Variants in FOXP1 observed in about 807,000 individuals in gnomAD.
The protein encoded by FOXP1 is forkhead box P1.
A neutral mutation model predicts 98.2 loss-of-function variants in FOXP1; 15 were observed. The observed-to-expected ratio is 0.15, with a 90% CI of 0.10 to 0.24. The LOEUF (loss-of-function observed/expected upper bound fraction) is 0.24, where lower values mean the gene tolerates loss of function less well. Ranked by LOEUF, FOXP1 falls within the 10% of genes least tolerant of loss-of-function variation. The pLI is 1.00. For synonymous variants in FOXP1, 371 were observed against 314.5 expected, an observed-to-expected ratio of 1.18 and a Z score of -1.90; for missense variants, 633 against 848.5, an observed-to-expected ratio of 0.75 and a Z score of 3.15.
chr3:71,221,761 G>T (rs1178217800), intron 5 of FOXP1, among the ~76,000 whole-genome samples: 1 of 152,124 alleles, frequency 6.6e-6, no homozygotes. Context: ...TTTTTGGAAG[G>T]GTCCTGTCTC....
At chr3:71,033,804 C>T (rs1319681266) in intron 11 of FOXP1, among the ~76,000 whole-genome samples, 2 of 152,110 alleles carry the variant, frequency 1.3e-5, no homozygotes, top group Admixed American at 1.3e-4. Context: ...TCAGACACAT[C>T]ACAGTTCTTC....
At chr3:71,121,315 C>G (rs192697722) in intron 6 of FOXP1, among the ~76,000 whole-genome samples, 2 of 148,890 alleles carry the variant, frequency 1.3e-5, no homozygotes, top group Admixed American at 1.4e-4. Context: ...TTGAAAGGCA[C>G]GTACAGGATA....
chr3:71,543,665 G>A (rs1368963000), intron 2 of FOXP1: 1 of 152,274 alleles, frequency 6.6e-6, no homozygotes, highest in East Asian at 1.9e-4. Flanking sequence ...CAAAGCTTGA[G>A]CTGACATCCC....
intron 2 of FOXP1, among the ~76,000 whole-genome samples, chr3:71,577,909 G>C (rs2047854201): frequency 6.6e-6 from 1 of 151,944 alleles, no homozygotes; most frequent in African/African-American, 2.4e-5. Flanking sequence ...ACCCCTACCT[G>C]CTTGAGAGGT....
intron 6 of FOXP1, among the ~76,000 whole-genome samples, chr3:71,180,088 T>C (rs551337905): frequency 1.3e-5 from 2 of 152,230 alleles, no homozygotes; most frequent in South Asian, 4.1e-4. Context: ...TCTGCCAATA[T>C]TTTATGGGAG....
chr3:71,579,272 A>T (rs189977021), intron 2 of FOXP1, among the ~76,000 whole-genome samples: 6 of 152,334 alleles, frequency 3.9e-5, no homozygotes, highest in Admixed American at 3.9e-4. Flanking sequence ...CCACGATTTA[A>T]ATATAAACAC....
intron 3 of FOXP1, among the ~76,000 whole-genome samples, chr3:71,470,340 T>C (rs1369802299): frequency 6.6e-6 from 1 of 152,248 alleles, no homozygotes; most frequent in African/African-American, 2.4e-5. Context: ...CTTAGTGGAA[T>C]ACCTAATACA....
rs1041664107 is a variant in FOXP1 at position 70,955,320 on chromosome 3, T to C, written c.*3927A>G. The C allele has an allele frequency of 8.6e-6, 2 of 232,898 alleles. No homozygotes were observed. Among genetic ancestry groups the C allele is most frequent in the African/African-American group, 4.4e-5 (2 of 45,298 alleles). 14.4% of individuals were successfully genotyped at this position (232,898 alleles called of 1,614,324 possible). A position where few individuals can be genotyped will look rare whatever the true frequency, so the allele number is the denominator to read the frequency against. ...TCTGACTGGATGCTGGGGATGGTGT[T>C]AGAGCTGTCCAAAGGTGGCAGGACT... On this transcript the variant is annotated 3_prime_UTR_variant, in exon 21 of 21. Transcript: ENST00000649528.
At chr3:71,010,239 C>T (rs1396963225) in intron 12 of FOXP1, among the ~76,000 whole-genome samples, 1 of 152,034 alleles carries the variant, frequency 6.6e-6, no homozygotes, top group Non-Finnish European at 1.5e-5. Flanking sequence ...AGCAAACTGT[C>T]AATAAGAAGT....
chr3:71,049,203 C>T (rs187486426), intron 9 of FOXP1, among the ~76,000 whole-genome samples: 1 of 152,160 alleles, frequency 6.6e-6, no homozygotes. Context: ...CTCCCTAGAG[C>T]TGCAGTCAAA....
chr3:71,321,264 T>G (rs2075377187), intron 4 of FOXP1, among the ~76,000 whole-genome samples: 1 of 152,220 alleles, frequency 6.6e-6, no homozygotes, highest in African/African-American at 2.4e-5. Context: ...CGCTTCCCAC[T>G]TTGACAAAAT....
At chr3:71,408,492 G>A (rs2082504867) in intron 3 of FOXP1, among the ~76,000 whole-genome samples, 1 of 152,114 alleles carries the variant, frequency 6.6e-6, no homozygotes, top group South Asian at 2.1e-4. Flanking sequence ...AGGAATTTGT[G>A]GATTTCAGAA....
At chr3:71,302,092 C>T (rs904090074) in intron 4 of FOXP1, among the ~76,000 whole-genome samples, 1 of 152,190 alleles carries the variant, frequency 6.6e-6, no homozygotes, top group African/African-American at 2.4e-5. Flanking sequence ...GGTGCACATG[C>T]ACGATTGGCC....
intron 5 of FOXP1, among the ~76,000 whole-genome samples, chr3:71,271,603 T>C (rs544253631): frequency 6.6e-6 from 1 of 152,182 alleles, no homozygotes; most frequent in Non-Finnish European, 1.5e-5. Context: ...ATTCCTTTGA[T>C]AAAAGAACCA....
intron 7 of FOXP1, among the ~76,000 whole-genome samples, chr3:71,096,770 TAA>T (rs1308568110): frequency 6.6e-6 from 1 of 152,002 alleles, no homozygotes; most frequent in African/African-American, 2.4e-5. Context: ...AGGACGAGAG[TAA>T]AGTGTCTTGA....
intron 5 of FOXP1, among the ~76,000 whole-genome samples, chr3:71,228,006 C>A (rs1384056513): frequency 2.6e-5 from 3 of 113,926 alleles, no homozygotes; most frequent in African/African-American, 3.6e-5. Context: ...AAATCAATAT[C>A]ATGGTGGGGC....
intron 6 of FOXP1, among the ~76,000 whole-genome samples, chr3:71,118,814 CAATA>C (rs1350394208): frequency 1.3e-5 from 2 of 152,054 alleles, no homozygotes; most frequent in East Asian, 3.9e-4. Flanking sequence ...TGGTATTTAC[CAATA>C]AAATTTTATT....
chr3:71,047,854 A>G (rs990292706), intron 9 of FOXP1, among the ~76,000 whole-genome samples: 1 of 152,192 alleles, frequency 6.6e-6, no homozygotes, highest in Non-Finnish European at 1.5e-5. Context: ...GATATGATAA[A>G]TATCTTTTTG....
At chr3:71,181,754 C>T (rs559426585) in intron 6 of FOXP1, among the ~76,000 whole-genome samples, 4 of 152,134 alleles carry the variant, frequency 2.6e-5, no homozygotes, top group Admixed American at 6.5e-5. Context: ...CAAATGTGGC[C>T]GGGCGCGGTG....
Sources: gnomAD v4.1 joint callset for allele counts (sites outside exome capture counted in the v4.1 genomes callset) on GRCh38, gnomAD v4.1.1 for gene constraint, MANE v1.5 for transcripts, NCBI Gene and HGNC (gene_info 2026-07-23, HGNC 2026-07-21) for gene names.